STARD10: variants seen among roughly 807,000 people sequenced by gnomAD.
STARD10 encodes the protein StAR related lipid transfer domain containing 10.
Under a neutral mutation model 36.0 loss-of-function variants are expected in STARD10, and 24 were observed. The ratio of observed to expected loss-of-function variants is 0.67; its 90% CI spans 0.48 to 0.94. The LOEUF is 0.94. Among genes scored for constraint, STARD10 ranks in the 40% least tolerant of loss-of-function variants. STARD10 has a pLI of 0.00. For synonymous variants in STARD10, 156 were observed against 161.9 expected, an observed-to-expected ratio of 0.96 and a Z score of 0.28; for missense variants, 335 against 396.6, an observed-to-expected ratio of 0.84 and a Z score of 1.32.
At chr11:72,771,587 C>A (rs1255755877) in intron 2 of STARD10, among the ~76,000 whole-genome samples, 2 of 152,254 alleles carry the variant, frequency 1.3e-5, no homozygotes, top group Admixed American at 1.3e-4. Context: ...CCTGAGCAGA[C>A]TGAGCTAGGC....
chr11:72,777,105 G>A (rs946750708), intron 2 of STARD10, among the ~76,000 whole-genome samples: 3 of 152,216 alleles, frequency 2.0e-5, no homozygotes, highest in Non-Finnish European at 4.4e-5. Flanking sequence ...CCTGCCCCAA[G>A]GCTGCCTGTG....
At chr11:72,783,388 C>G (rs1036350428) in intron 1 of STARD10, 1 of 152,144 alleles carries the variant, frequency 6.6e-6, no homozygotes, top group African/African-American at 2.4e-5. Flanking sequence ...CCTTCTAAAC[C>G]ACACTCCTGA....
In STARD10 at chr11:72,781,576, G is replaced by T; in HGVS notation, c.-113-282C>A. The T allele has an allele frequency of 6.4e-6, 1 of 155,990 alleles. No individual in the cohort carries two copies. Among genetic ancestry groups the T allele is most frequent in the South Asian group, 1.7e-4 (1 of 5,792 alleles). The allele number at this position is 155,990 out of a possible 1,614,324, so 9.7% of individuals were successfully genotyped here. On this transcript the variant is annotated intron_variant, in intron 1 of 6. Coordinates refer to ENST00000334805, the MANE Select transcript of STARD10 (RefSeq NM_006645.3). This position sits in a 1 kb window ranked among gnomAD's most constrained non-coding sequence, Gnocchi z 4.7. Reference sequence around the variant, plus strand: ...GACGGTGCGGCGGGGCCCGCGGAGCGACCTGCTCAACTAACTCGCAGCGAC... The same window carrying T: ...GACGGTGCGGCGGGGCCCGCGGAGCTACCTGCTCAACTAACTCGCAGCGAC...
intron 5 of STARD10, 108 bp downstream of exon 5, chr11:72,757,659 T>G: frequency 3.0e-6 from 3 of 1,002,038 alleles, no homozygotes; most frequent in Non-Finnish European, 1.5e-6. Context: ...TGCCCCAAAA[T>G]GCAAAACAGC....
At chr11:72,760,855 A>G (rs1858706110) in intron 2 of STARD10, among the ~76,000 whole-genome samples, 1 of 152,002 alleles carries the variant, frequency 6.6e-6, no homozygotes, top group African/African-American at 2.4e-5. Flanking sequence ...CCTATCCCCA[A>G]GATCAAGTTC....
At position 72,781,126 on chromosome 11, in the gene STARD10, C is replaced by T. The variant is rs776954053; in HGVS notation, c.56G>A (p.Arg19His). Residue 19 changes from arginine (R) to histidine (H), a missense_variant, in exon 2 of 7, where the codon CGT becomes CAT. Physicochemically the swap from Arg to His is conservative, Grantham distance 29. Transcript: ENST00000334805. This position sits in a 1 kb window ranked among gnomAD's most constrained non-coding sequence, Gnocchi z 4.7. ...GTCATCGGGCACCTGGACACTCTCA[C>T]GGCCCAGGACCGGCCGAGGCCCTTG... is the stretch of plus-strand genomic sequence containing the variant. Reference protein sequence around the residue: ...EPQGPRPVLGRESVQVPDDQD... With the variant: ...EPQGPRPVLGHESVQVPDDQD... 2.0e-5 allele frequency: 32 copies of T among 1,613,558 alleles called. No individual in the cohort carries two copies. The South Asian group carries it at 3.3e-4, about 17-fold the overall frequency.
At chr11:72,772,934 T>C (rs1195339110) in intron 2 of STARD10, among the ~76,000 whole-genome samples, 1 of 152,144 alleles carries the variant, frequency 6.6e-6, no homozygotes, top group East Asian at 1.9e-4. Context: ...AGCCTGAGTA[T>C]ATGTCTCTGT....
chr11:72,785,479 T>C (rs1402254392), intron 1 of STARD10, among the ~76,000 whole-genome samples: 1 of 149,158 alleles, frequency 6.7e-6, no homozygotes, highest in Admixed American at 6.7e-5. Flanking sequence ...GAAAATCGCT[T>C]GAACCTGGGA....
At chr11:72,766,588 C>CA (rs887437337) in intron 2 of STARD10, among the ~76,000 whole-genome samples, 1 of 152,154 alleles carries the variant, frequency 6.6e-6, no homozygotes, top group Non-Finnish European at 1.5e-5. Context: ...GTCCAGTGCC[C>CA]AAGCTGTATC....
Position 72,755,752 on chromosome 11 carries a change from G to A in STARD10, c.579C>T (p.Gly193=), listed in dbSNP as rs771134375. ...TATTCACCACCCACTTGGGTAAGGAGCCTGTGAGGGCAGGGAAGGGAGGAA... is the reference window on the plus strand; with the variant it reads ...TATTCACCACCCACTTGGGTAAGGAACCTGTGAGGGCAGGGAAGGGAGGAA... ...ITYLAQVDPK[G]SLPKWVVNKS... The change falls in exon 6 of 7, where the codon GGC becomes GGT. Residue 193 remains glycine, a splice_region_variant and synonymous_variant. Transcript: ENST00000334805. 6.2e-7 allele frequency: 1 copy of A among 1,612,298 alleles called. No homozygotes were observed.
chr11:72,755,591 A>T (rs58375567), intron 6 of STARD10, 110 bp downstream of exon 6: 1 of 1,283,676 alleles, frequency 7.8e-7, no homozygotes, highest in Non-Finnish European at 1.1e-6. Context: ...GATTACAGGC[A>T]TGAGCCACCA....
chr11:72,785,618 A>T (rs1859062425), intron 1 of STARD10, among the ~76,000 whole-genome samples: 1 of 149,680 alleles, frequency 6.7e-6, no homozygotes, highest in Admixed American at 6.6e-5. Flanking sequence ...CTCAGCTCCT[A>T]ACCTGAGGGT....
chr11:72,788,827 C>T (rs1220356511), intron 1 of STARD10, among the ~76,000 whole-genome samples: 1 of 152,160 alleles, frequency 6.6e-6, no homozygotes, highest in Non-Finnish European at 1.5e-5. Flanking sequence ...TCCTAAAGTG[C>T]TGGGATTACA....
rs762428474 is a variant in STARD10 at position 72,754,800 on chromosome 11, C to A, written c.*97G>T. On this transcript the variant is annotated 3_prime_UTR_variant, in exon 7 of 7. Transcript: ENST00000334805. Reference sequence around the variant, plus strand: ...GCACCCGCCTGGGCCTGGCCCGGTGCCACCAGGTGCCGGGTGGGGGAGGGG... The same window carrying A: ...GCACCCGCCTGGGCCTGGCCCGGTGACACCAGGTGCCGGGTGGGGGAGGGG... The A allele has an allele frequency of 3.3e-6, 5 of 1,511,544 alleles. No individual in the cohort carries two copies. The highest frequency in any genetic ancestry group is 4.9e-5 in the East Asian group (2 of 40,830). The allele number at this position is 1,511,544 out of a possible 1,614,324, so 93.6% of individuals were successfully genotyped here.
At chr11:72,769,316 T>C (rs950478571) in intron 2 of STARD10, among the ~76,000 whole-genome samples, 3 of 152,170 alleles carry the variant, frequency 2.0e-5, no homozygotes, top group African/African-American at 4.8e-5. Flanking sequence ...CTTATGAAGG[T>C]ATGGTAAAAC....
intron 3 of STARD10, 186 bp downstream of exon 3, chr11:72,759,048 A>G: frequency 1.6e-6 from 1 of 641,058 alleles, no homozygotes; most frequent in Non-Finnish European, 2.7e-6. Flanking sequence ...ATGTATTTGT[A>G]AGTGTATGGG....
intron 1 of STARD10, among the ~76,000 whole-genome samples, chr11:72,791,442 T>C (rs1179573510): frequency 6.6e-6 from 1 of 152,170 alleles, no homozygotes; most frequent in African/African-American, 2.4e-5. Flanking sequence ...TGGTGACTCA[T>C]GCCCATAATC....
chr11:72,787,084 C>CAAA (rs765529093), intron 1 of STARD10, among the ~76,000 whole-genome samples: 16 of 71,982 alleles, frequency 2.2e-4, no homozygotes, highest in South Asian at 9.3e-4. Flanking sequence ...ACCCTGTGTC[C>CAAA]AAAAAAAAAA....
At chr11:72,764,946 A>C (rs1425071261) in intron 2 of STARD10, among the ~76,000 whole-genome samples, 1 of 152,192 alleles carries the variant, frequency 6.6e-6, no homozygotes, top group Admixed American at 6.5e-5. Flanking sequence ...GACAGCAGGG[A>C]CCCCGACATG....
Sources: allele counts gnomAD v4.1 joint callset (sites outside exome capture counted in the v4.1 genomes callset), GRCh38; gene constraint gnomAD v4.1.1; non-coding constraint Gnocchi (gnomAD v3.1); transcripts MANE v1.5; gene names NCBI Gene and HGNC (gene_info 2026-07-23, HGNC 2026-07-21).